ATE1: variants seen among roughly 807,000 people sequenced by gnomAD.
The protein encoded by ATE1 is arginyl-tRNA--protein transferase 1.
In ATE1, 36 loss-of-function variants were observed where a neutral mutation model predicts 70.5. The observed-to-expected ratio is 0.51, with a 90% CI of 0.39 to 0.67. The LOEUF is 0.67. ATE1 is among the 30% of genes least tolerant of loss of function. ATE1 has a pLI of 0.00. For synonymous variants in ATE1, 232 were observed against 219.3 expected (o/e 1.06, Z -0.51); for missense variants, 593 against 629.5 (o/e 0.94, Z 0.62).
chr10:121,760,465 A>G (rs11597291), intron 11 of ATE1, among the ~76,000 whole-genome samples: 16,969 of 152,220 alleles, frequency 0.11, 1,064 homozygotes, highest in Admixed American at 0.18. Context: ...GATGATTTGG[A>G]GGGGTTTGAG....
chr10:121,790,204 G>A lies in ATE1; in HGVS notation c.1343C>T (p.Ser448Phe). The A allele has an allele frequency of 6.2e-7, 1 of 1,614,066 alleles. No individual in the cohort carries two copies. Among genetic ancestry groups the A allele is most frequent in the Non-Finnish European group, 8.5e-7 (1 of 1,179,954 alleles). ...IEQCLPSLEN[S>F]KYCRFNQDPE... ...GTCCTGGTTGAAACGGCAGTACTTG[G>A]AGTTTTCAAGTGAAGGCAGGCATTG... is the stretch of plus-strand genomic sequence containing the variant. Residue 448 changes from serine to phenylalanine, a missense_variant, in exon 11 of 12, where the codon TCC becomes TTC. Transcript: ENST00000224652.
intron 5 of ATE1, among the ~76,000 whole-genome samples, chr10:121,905,582 C>T (rs141205567): frequency 4.9e-4 from 75 of 152,300 alleles, no homozygotes; most frequent in Middle Eastern, 6.8e-3. Flanking sequence ...TGGCTCACGC[C>T]TGTAATCCCA....
At chr10:121,770,612 C>A (rs1255488551) in intron 11 of ATE1, among the ~76,000 whole-genome samples, 1 of 151,748 alleles carries the variant, frequency 6.6e-6, no homozygotes, top group Non-Finnish European at 1.5e-5. Context: ...AAACCTAATT[C>A]TTTGATCAAT....
intron 8 of ATE1, among the ~76,000 whole-genome samples, chr10:121,854,214 C>T (rs924563041): frequency 3.9e-5 from 6 of 152,088 alleles, no homozygotes; most frequent in Non-Finnish European, 8.8e-5. Flanking sequence ...GGTTTACCAC[C>T]ATATAAGACA....
chr10:121,745,616 A>G (rs1016144808), intron 11 of ATE1, among the ~76,000 whole-genome samples: 4 of 152,162 alleles, frequency 2.6e-5, no homozygotes, highest in Non-Finnish European at 5.9e-5. Context: ...AGTCCCAGCT[A>G]CTCAGGAGGC....
intron 11 of ATE1, among the ~76,000 whole-genome samples, chr10:121,772,834 A>T (rs536662458): frequency 5.9e-5 from 9 of 152,352 alleles, no homozygotes; most frequent in African/African-American, 1.7e-4. Context: ...GTTGGTTAAT[A>T]GTCCAAATTC....
intron 8 of ATE1, among the ~76,000 whole-genome samples, chr10:121,850,006 A>G (rs983709393): frequency 6.6e-6 from 1 of 152,200 alleles, no homozygotes; most frequent in Non-Finnish European, 1.5e-5. Context: ...AGATTTATCT[A>G]TAAGAGTGGT....
At chr10:121,908,290 G>A (rs577462948) in intron 5 of ATE1, among the ~76,000 whole-genome samples, 19 of 152,312 alleles carry the variant, frequency 1.2e-4, no homozygotes, top group African/African-American at 4.3e-4. Flanking sequence ...GATCACCTGA[G>A]GTCAGGAGTT....
chr10:121,777,131 A>AT (rs2135927530), intron 11 of ATE1, among the ~76,000 whole-genome samples: 1 of 152,382 alleles, frequency 6.6e-6, no homozygotes, highest in East Asian at 1.9e-4. Flanking sequence ...ATACAGTGAA[A>AT]CTGAGGCTGA....
intron 7 of ATE1, among the ~76,000 whole-genome samples, chr10:121,890,282 T>C (rs1047272406): frequency 6.6e-6 from 1 of 152,198 alleles, no homozygotes; most frequent in Admixed American, 6.5e-5. Context: ...CACTAAATAG[T>C]AGATGATATT....
chr10:121,848,282 GCGTTCATT>G (rs1056176741), intron 8 of ATE1, among the ~76,000 whole-genome samples: 2 of 92,314 alleles, frequency 2.2e-5, no homozygotes, highest in African/African-American at 7.4e-5. Flanking sequence ...AATCTAATGT[GCGTTCATT>G]CATTCATTCA....
At position 121,925,711 on chromosome 10, in the gene ATE1, A is replaced by AC. The variant is rs1476746530; in HGVS notation, c.107-1383_107-1382insG. On this transcript the variant is annotated intron_variant, in intron 1 of 11. Coordinates refer to ENST00000224652, the MANE Select transcript of ATE1 (RefSeq NM_001001976.3). ...CAACATACCAAATCTCTGTTTTCAC[A>AC]AAAAAAAAATAATAATCATAATTAA... is the stretch of plus-strand genomic sequence containing the variant. Among the ~76,000 whole-genome samples the AC allele has an allele frequency of 2.0e-4, 23 of 113,900 alleles. 1 individual carries two copies. The East Asian group carries it at 2.1e-3, about 10-fold the overall frequency. The allele number at this position is 113,900 out of a possible 152,430, so 74.7% of individuals were successfully genotyped here.
intron 10 of ATE1, among the ~76,000 whole-genome samples, chr10:121,828,973 T>A (rs1948129403): frequency 6.6e-6 from 1 of 152,186 alleles, no homozygotes; most frequent in Non-Finnish European, 1.5e-5. Context: ...GTTTCAATTG[T>A]CACATTACCA....
intron 11 of ATE1, among the ~76,000 whole-genome samples, chr10:121,766,807 C>T (rs4751853): frequency 0.83 from 126,118 of 152,096 alleles, 52,646 homozygotes; most frequent in Middle Eastern, 0.89. Context: ...AATCTGAAAA[C>T]CTCCATTCCC....
intron 11 of ATE1, among the ~76,000 whole-genome samples, chr10:121,770,637 A>G (rs1228189868): frequency 6.6e-6 from 1 of 152,106 alleles, no homozygotes; most frequent in Non-Finnish European, 1.5e-5. Context: ...CCAAACTTTA[A>G]TAAGTCTGAC....
At chr10:121,824,447 T>A (rs1947926095) in intron 10 of ATE1, among the ~76,000 whole-genome samples, 1 of 152,200 alleles carries the variant, frequency 6.6e-6, no homozygotes, top group Non-Finnish European at 1.5e-5. Flanking sequence ...CAGACGCAGC[T>A]CTGTTAATTC....
At chr10:121,766,279 C>G (rs1026947228) in intron 11 of ATE1, among the ~76,000 whole-genome samples, 1 of 152,116 alleles carries the variant, frequency 6.6e-6, no homozygotes, top group Non-Finnish European at 1.5e-5. Flanking sequence ...GTCAGACGTG[C>G]ACAGCTAAAA....
chr10:121,900,162 T>A (rs1011857628), intron 6 of ATE1, among the ~76,000 whole-genome samples, 168 bp from the exon 7 acceptor site: 8 of 152,212 alleles, frequency 5.3e-5, no homozygotes, highest in Non-Finnish European at 1.2e-4. Context: ...AGAAAAAAGT[T>A]ATTTTTGTAA....
intron 11 of ATE1, among the ~76,000 whole-genome samples, chr10:121,756,044 T>C (rs1196692316): frequency 6.6e-6 from 1 of 152,210 alleles, no homozygotes; most frequent in East Asian, 1.9e-4. Flanking sequence ...TATGAGCCTG[T>C]AGAATCAAAA....
Sources: allele counts gnomAD v4.1 joint callset (sites outside exome capture counted in the v4.1 genomes callset), GRCh38; gene constraint gnomAD v4.1.1; transcripts MANE v1.5; gene names NCBI Gene and HGNC (gene_info 2026-07-23, HGNC 2026-07-21).